ASIC5: variants seen among roughly 807,000 people sequenced by gnomAD.
ASIC5 encodes the protein bile acid-sensitive ion channel.
In ASIC5, 52 loss-of-function variants were observed where a neutral mutation model predicts 51.2. The observed-to-expected ratio is 1.02, with a 90% CI of 0.81 to 1.28. The LOEUF is 1.28. Among genes scored for constraint, ASIC5 ranks in the 50% most tolerant of loss-of-function variants. The probability of loss-of-function intolerance (pLI) is 0.00; values close to 1 mark genes in which losing one functional copy is unlikely to be tolerated. For missense variants in ASIC5, 635 were observed against 595.0 expected (o/e 1.07, Z -0.70); for synonymous variants, 231 against 200.7 (o/e 1.15, Z -1.28).
At chr4:155,860,227 A>G (rs1177244953) in intron 2 of ASIC5, among the ~76,000 whole-genome samples, 1 of 151,828 alleles carries the variant, frequency 6.6e-6, no homozygotes, top group Non-Finnish European at 1.5e-5. Context: ...TCCTTATCCT[A>G]TTTTATCTCA....
intron 2 of ASIC5, chr4:155,858,868 G>A (rs935842985): frequency 6.6e-6 from 1 of 152,068 alleles, no homozygotes; most frequent in African/African-American, 2.4e-5. Context: ...ACATAGACCA[G>A]AGGAAGAAGT....
At position 155,863,194 on chromosome 4, in the gene ASIC5, T is replaced by C. The variant is rs115282274; in HGVS notation, c.347+254A>G. Among the ~76,000 whole-genome samples, 1,023 of 152,080 alleles carry C rather than the reference T, an allele frequency of 6.7e-3. 10 individuals are homozygous for C. Among genetic ancestry groups the C allele is most frequent in the Non-Finnish European group, 0.011 (766 of 67,986 alleles). ...CCCCATCTCTTTTACATCTATTTAA[T>C]GATAGGATTTGGGATGTTACCTAGA... On this transcript the variant is annotated intron_variant, in intron 2 of 9. Transcript: ENST00000537611.
rs1002990565 is a variant in ASIC5, at chr4:155,842,446, T to G, written c.862-92A>C. ...AAGCTGGTACACATTTTTATTTTCC[T>G]CTCAGAGCTCTTTGATTTTCAAAAC... On this transcript the variant is annotated intron_variant, in intron 5 of 9. Transcript: ENST00000537611. The G allele has an allele frequency of 2.1e-5, 27 of 1,258,902 alleles. No individual in the cohort carries two copies. In the African/African-American group the frequency reaches 3.3e-4, roughly 15 times the overall value. The allele number at this position is 1,258,902 out of a possible 1,614,324, so 78.0% of individuals were successfully genotyped here. A position where few individuals can be genotyped will look rare whatever the true frequency, so the allele number is the denominator to read the frequency against.
At chr4:155,856,312 T>C (rs1005631853) in intron 2 of ASIC5, among the ~76,000 whole-genome samples, 1 of 152,108 alleles carries the variant, frequency 6.6e-6, no homozygotes, top group Non-Finnish European at 1.5e-5. Flanking sequence ...CCCCACAATG[T>C]ATACATATAA....
chr4:155,835,741 T>C (rs1265957308), intron 8 of ASIC5, among the ~76,000 whole-genome samples: 1 of 152,214 alleles, frequency 6.6e-6, no homozygotes, highest in Non-Finnish European at 1.5e-5. Flanking sequence ...TTATCTGCTG[T>C]TTGAAATCAC....
intron 4 of ASIC5, 40 bp downstream of exon 4, chr4:155,852,151 C>A: frequency 6.2e-7 from 1 of 1,609,822 alleles, no homozygotes; most frequent in Non-Finnish European, 8.5e-7. Context: ...GAAACCCCCA[C>A]ACATTCTCGT....
intron 8 of ASIC5, among the ~76,000 whole-genome samples, chr4:155,835,751 C>A (rs567357765): frequency 6.6e-6 from 1 of 152,290 alleles, no homozygotes; most frequent in African/African-American, 2.4e-5. Flanking sequence ...TTTGAAATCA[C>A]TCCATTAGCC....
At chr4:155,833,957 T>C (rs1352188885) in intron 8 of ASIC5, among the ~76,000 whole-genome samples, 3 of 152,204 alleles carry the variant, frequency 2.0e-5, no homozygotes, top group Non-Finnish European at 4.4e-5. Flanking sequence ...TTTTATTGTA[T>C]TACAAAATAG....
chr4:155,845,292 ATGTG>A (rs762801020), intron 4 of ASIC5, among the ~76,000 whole-genome samples: 2 of 150,882 alleles, frequency 1.3e-5, no homozygotes, highest in Non-Finnish European at 3.0e-5. Context: ...AACATCCAAG[ATGTG>A]TGTGTGTATG....
intron 2 of ASIC5, among the ~76,000 whole-genome samples, chr4:155,858,684 G>C (rs1033841667): frequency 4.6e-5 from 7 of 151,826 alleles, no homozygotes; most frequent in Non-Finnish European, 1.0e-4. Context: ...GGGGAAAAAG[G>C]AAAGAACAAA....
Position 155,842,261 on chromosome 4 carries a change from AT to A in ASIC5, c.954del (p.Glu318AspfsTer7), listed in dbSNP as rs750101262. ...SSYSTSGCLK[E>X]CKAQHIKKQC... Reference sequence around the variant, plus strand: ...TGCTTTTTTATGTGCTGGGCTTTGCATTCCTTCAAGCAACCAGAAGTGCTGT... The same window carrying A: ...TGCTTTTTTATGTGCTGGGCTTTGCATCCTTCAAGCAACCAGAAGTGCTGT... On this transcript the variant is annotated frameshift_variant, in exon 6 of 10. Transcript: ENST00000537611. LOFTEE classifies it high-confidence loss of function. 1 of 1,613,782 alleles carries A rather than the reference AT, an allele frequency of 6.2e-7. No homozygotes were observed.
intron 4 of ASIC5, 80 bp downstream of exon 4, chr4:155,852,111 G>C (rs1190764173): frequency 2.7e-6 from 4 of 1,468,384 alleles, no homozygotes; most frequent in Non-Finnish European, 3.8e-6. Context: ...GGAACTATCT[G>C]ATATGGCCCA....
chr4:155,838,484 T>G (rs1220984469), intron 7 of ASIC5, among the ~76,000 whole-genome samples: 2 of 152,172 alleles, frequency 1.3e-5, no homozygotes, highest in Non-Finnish European at 2.9e-5. Context: ...CTATTTATTT[T>G]TACATGATTT....
chr4:155,848,767 C>T (rs1372407941), intron 4 of ASIC5, among the ~76,000 whole-genome samples: 2 of 152,030 alleles, frequency 1.3e-5, no homozygotes, highest in Non-Finnish European at 2.9e-5. Flanking sequence ...ACTTTCAGGA[C>T]TCATGGAGAG....
At chr4:155,842,412 T>C (rs1741140959) in intron 5 of ASIC5, 58 bp from the exon 6 acceptor site, 1 of 1,449,022 alleles carries the variant, frequency 6.9e-7, no homozygotes, top group Admixed American at 2.1e-5. Context: ...TCACTTATTT[T>C]CCATCAAGAA....
intron 2 of ASIC5, among the ~76,000 whole-genome samples, chr4:155,863,116 G>A (rs1741756273): frequency 6.6e-6 from 1 of 152,102 alleles, no homozygotes; most frequent in African/African-American, 2.4e-5. Context: ...GCTGAGGCAG[G>A]TGGATCGCTT....
chr4:155,852,585 T>C (rs1741409785), intron 3 of ASIC5, among the ~76,000 whole-genome samples: 4 of 152,146 alleles, frequency 2.6e-5, no homozygotes, highest in African/African-American at 9.6e-5. Context: ...ACTTGTTTAA[T>C]GTTTTCCTGA....
rs1253225949 is a variant in ASIC5 at position 155,842,339 on chromosome 4, A to G, written c.877T>C (p.Tyr293His). The change falls in exon 6 of 10, where the codon TAC (tyrosine) becomes CAC (histidine). Residue 293 changes from tyrosine to histidine, a missense_variant. Physicochemically the swap from Tyr to His is moderately conservative, Grantham distance 83. Transcript: ENST00000537611. ...IRQVKTVHQE[Y>H]PWGECNPNIK... ...TTAGGATTGCATTCTCCCCAAGGGT[A>G]TTCTTGATGAACTGTCTTAAGATAA... 1 of 1,612,060 alleles carries G rather than the reference A, an allele frequency of 6.2e-7. No homozygotes were observed. Among genetic ancestry groups the G allele is most frequent in the African/African-American group, 1.3e-5 (1 of 74,860 alleles).
Position 155,855,084 on chromosome 4 carries a change from G to T in ASIC5, c.348-770C>A, listed in dbSNP as rs191480521. Among the ~76,000 whole-genome samples the T allele has an allele frequency of 4.5e-3, 681 of 152,124 alleles. 6 individuals are homozygous for T. The highest frequency in any genetic ancestry group is 0.016 in the African/African-American group (653 of 41,520). ...CTTAACCAGCTCCTGCAACGAAGTGGGGCTTAATCCCTAGAAAAAAAGCCC... is the reference window on the plus strand; with the variant it reads ...CTTAACCAGCTCCTGCAACGAAGTGTGGCTTAATCCCTAGAAAAAAAGCCC... On this transcript the variant is annotated intron_variant, in intron 2 of 9. Coordinates refer to ENST00000537611, the MANE Select transcript of ASIC5 (RefSeq NM_017419.3).
Sources: gnomAD v4.1 joint callset for allele counts (sites outside exome capture counted in the v4.1 genomes callset) on GRCh38, gnomAD v4.1.1 for gene constraint, MANE v1.5 for transcripts, NCBI Gene and HGNC (gene_info 2026-07-23, HGNC 2026-07-21) for gene names.